The following NFKB1 variants were observed in gnomAD, a reference collection of about 807,000 sequenced individuals.
NFKB1 encodes the protein nuclear factor NF-kappa-B p105 subunit.
Under a neutral mutation model 105.1 loss-of-function variants are expected in NFKB1, and 9 were observed. The observed-to-expected ratio is 0.09, with a 90% confidence interval of 0.05 to 0.15. The LOEUF (loss-of-function observed/expected upper bound fraction) is 0.15, where lower values mean the gene tolerates loss of function less well. NFKB1 is among the 10% of genes least tolerant of loss of function. NFKB1 has a pLI of 1.00. For missense variants in NFKB1, 830 were observed against 1,203.7 expected, an observed-to-expected ratio of 0.69 and a Z score of 4.59; for synonymous variants, 440 against 442.2, an observed-to-expected ratio of 1.00 and a Z score of 0.06.
intron 15 of NFKB1, among the ~76,000 whole-genome samples, chr4:102,599,820 T>C (rs1400587531): frequency 1.3e-5 from 2 of 152,260 alleles, no homozygotes; most frequent in African/African-American, 4.8e-5. Flanking sequence ...TAGCATAGTC[T>C]GGTAAATCAA....
In NFKB1 at chr4:102,616,543, C is replaced by A. The variant is rs981584543; in HGVS notation, c.2859C>A (p.Asn953Lys). 1.9e-6 allele frequency: 3 copies of A among 1,614,116 alleles called. No homozygotes were observed. Among genetic ancestry groups the A allele is most frequent in the Admixed American group, 3.3e-5 (2 of 59,994 alleles). Reference protein sequence around the residue: ...LTSGASLLTLNKMPHDYGQEG... With the variant: ...LTSGASLLTLKKMPHDYGQEG... The stretch of plus-strand genomic sequence containing the variant: ...GTGGTGCCTCACTGCTAACTCTCAA[C>A]AAAATGCCCCATGATTATGGGCAGG... The change falls in exon 24 of 24, where the codon AAC becomes AAA. Residue 953 changes from asparagine to lysine, a missense_variant. Asn to Lys is a moderately conservative substitution (Grantham distance 94). Coordinates refer to ENST00000226574, the MANE Select transcript of NFKB1 (RefSeq NM_003998.4).
At chr4:102,554,864 G>A (rs1161659724) in intron 5 of NFKB1, among the ~76,000 whole-genome samples, 1 of 152,168 alleles carries the variant, frequency 6.6e-6, no homozygotes, top group Non-Finnish European at 1.5e-5. Flanking sequence ...GGAAAACTGT[G>A]TCTCAAGGTC....
chr4:102,571,236 G>T (rs1724325917), intron 6 of NFKB1, among the ~76,000 whole-genome samples: 1 of 152,192 alleles, frequency 6.6e-6, no homozygotes, highest in African/African-American at 2.4e-5. Flanking sequence ...AATGGGGAAA[G>T]GATTCCTATT....
chr4:102,591,085 C>T (rs779674286), intron 11 of NFKB1, among the ~76,000 whole-genome samples: 7 of 152,056 alleles, frequency 4.6e-5, no homozygotes, highest in Non-Finnish European at 8.8e-5. Context: ...GAAGCCATCT[C>T]GATAACGTAA....
Position 102,519,884 on chromosome 4 carries a change from T to C in NFKB1, c.-7-5628T>C, listed in dbSNP as rs1451346207. Among the ~76,000 whole-genome samples the C allele has an allele frequency of 2.6e-5, 4 of 152,204 alleles. No homozygotes were observed. In the East Asian group the frequency reaches 7.7e-4, roughly 29 times the overall value. On this transcript the variant is annotated intron_variant, in intron 1 of 23. Transcript: ENST00000226574. ...GAATTAAGAGAAATATGTGAAGTTC[T>C]AGCTACAGTTCTTTACCCATGAGGT...
At chr4:102,528,617 G>T (rs1416493672) in intron 2 of NFKB1, among the ~76,000 whole-genome samples, 1 of 152,084 alleles carries the variant, frequency 6.6e-6, no homozygotes, top group East Asian at 1.9e-4. Context: ...AGTAAAATAT[G>T]GCTGGTTTCC....
At chr4:102,579,134 T>C in intron 8 of NFKB1, 95 bp downstream of exon 8, 2 of 1,271,642 alleles carry the variant, frequency 1.6e-6, no homozygotes, top group Middle Eastern at 2.8e-4. Context: ...GGAAGGTAAC[T>C]TAATCACTTT....
At chr4:102,610,748 GT>G in intron 20 of NFKB1, 49 bp downstream of exon 20, 1 of 1,599,942 alleles carries the variant, frequency 6.3e-7, no homozygotes, top group Non-Finnish European at 8.5e-7. Flanking sequence ...GGAGTCAGAG[GT>G]TCAGGAATGT....
chr4:102,576,066 C>T (rs1290696992), intron 6 of NFKB1, among the ~76,000 whole-genome samples: 1 of 152,154 alleles, frequency 6.6e-6, no homozygotes, highest in Non-Finnish European at 1.5e-5. Flanking sequence ...ATGGCTGGAA[C>T]ATTTTATATA....
chr4:102,613,369 G>A lies in NFKB1; in HGVS notation c.2593-56G>A, dbSNP rs1056508754. On this transcript the variant is annotated intron_variant, in intron 22 of 23. Transcript: ENST00000226574. The stretch of plus-strand genomic sequence containing the variant: ...GAAGGGTGGGCTGTCAGTGCTTACA[G>A]CCTGCACTGGGACTCGAACACAAGA... 3.5e-5 allele frequency: 55 copies of A among 1,585,398 alleles called. No individual in the cohort carries two copies. The Middle Eastern group carries it at 1.2e-3, about 35-fold the overall frequency.
chr4:102,514,495 C>T (rs750378919), intron 1 of NFKB1, among the ~76,000 whole-genome samples: 10 of 152,184 alleles, frequency 6.6e-5, no homozygotes, highest in African/African-American at 2.4e-4. Flanking sequence ...CTAGAGGATG[C>T]ATCCCTCACC....
chr4:102,583,888 T>C (rs1047827586), intron 10 of NFKB1, among the ~76,000 whole-genome samples: 6 of 151,932 alleles, frequency 3.9e-5, no homozygotes, highest in African/African-American at 1.5e-4. Flanking sequence ...CATGTAGTTA[T>C]TCAAAAGAAT....
intron 5 of NFKB1, among the ~76,000 whole-genome samples, chr4:102,555,324 G>A (rs959125816): frequency 6.6e-6 from 1 of 152,052 alleles, no homozygotes; most frequent in Non-Finnish European, 1.5e-5. Context: ...TTATTCACTA[G>A]CTCTTTTAAC....
At chr4:102,586,434 A>G (rs1725719188) in intron 11 of NFKB1, among the ~76,000 whole-genome samples, 1 of 152,150 alleles carries the variant, frequency 6.6e-6, no homozygotes, top group South Asian at 2.1e-4. Context: ...AGTTCTTAGT[A>G]GGCAGATCAA....
At chr4:102,559,125 A>G (rs1039300336) in intron 5 of NFKB1, among the ~76,000 whole-genome samples, 4 of 152,192 alleles carry the variant, frequency 2.6e-5, no homozygotes, top group African/African-American at 7.2e-5. Context: ...GTTCAAGAAC[A>G]GTGAGAAACT....
chr4:102,594,953 T>C lies in NFKB1; in HGVS notation c.1272T>C (p.Thr424=). 1 of 1,610,506 alleles carries C rather than the reference T, an allele frequency of 6.2e-7. No homozygotes were observed. Residue 424 remains threonine (T), a synonymous_variant, in exon 13 of 24, where the codon ACT becomes ACC. Coordinates refer to ENST00000226574, the MANE Select transcript of NFKB1 (RefSeq NM_003998.4). ...GTGGGATTACTTTCCATCCTGGAAC[T>C]ACTAAATCTAATGCTGGGATGAAGC... ...TYGGITFHPG[T]TKSNAGMKHG...
chr4:102,542,734 C>T (rs1199627224), intron 5 of NFKB1, among the ~76,000 whole-genome samples: 1 of 152,214 alleles, frequency 6.6e-6, no homozygotes, highest in Non-Finnish European at 1.5e-5. Context: ...TATAGGATGG[C>T]TCCTTTTCAG....
chr4:102,607,602 G>C (rs759989346), intron 18 of NFKB1, 47 bp from the exon 19 acceptor site: 2 of 1,586,606 alleles, frequency 1.3e-6, no homozygotes, highest in African/African-American at 1.3e-5. Context: ...GGACAAAAGG[G>C]CAAAAGAACC....
intron 1 of NFKB1, among the ~76,000 whole-genome samples, chr4:102,513,556 T>C (rs1739914091): frequency 6.6e-6 from 1 of 152,158 alleles, no homozygotes; most frequent in Non-Finnish European, 1.5e-5. Context: ...ATCACTTCTC[T>C]AAGAAAATCC....
Sources: allele counts gnomAD v4.1 joint callset (sites outside exome capture counted in the v4.1 genomes callset), GRCh38; gene constraint gnomAD v4.1.1; transcripts MANE v1.5; gene names NCBI Gene and HGNC (gene_info 2026-07-23, HGNC 2026-07-21).